The following ERBB4 variants were observed in gnomAD, a reference collection of about 807,000 sequenced individuals.
ERBB4 encodes the protein receptor tyrosine-protein kinase erbB-4.
A neutral mutation model predicts 158.0 loss-of-function variants in ERBB4; 42 were observed. The ratio of observed to expected loss-of-function variants is 0.27; its 90% CI spans 0.21 to 0.34. The LOEUF is 0.34. ERBB4 is among the 10% of genes least tolerant of loss of function. The pLI is 1.00. For synonymous variants in ERBB4, 583 were observed against 558.7 expected (o/e 1.04, Z -0.61); for missense variants, 1,333 against 1,624.1 (o/e 0.82, Z 3.08).
intron 1 of ERBB4, among the ~76,000 whole-genome samples, chr2:212,191,884 T>TAC (rs1205730061): frequency 1.1e-3 from 2 of 1,866 alleles, no homozygotes; most frequent in Non-Finnish European, 4.7e-3. Flanking sequence ...ATACATATGT[T>TAC]ACATGTTATA....
At chr2:212,368,354 C>T (rs1242912594) in intron 1 of ERBB4, among the ~76,000 whole-genome samples, 3 of 152,010 alleles carry the variant, frequency 2.0e-5, no homozygotes, top group Non-Finnish European at 2.9e-5. Context: ...TATGTTCTCA[C>T]GGATATGTGG....
chr2:211,731,522 A>G (rs1383831144), intron 5 of ERBB4, among the ~76,000 whole-genome samples: 1 of 152,140 alleles, frequency 6.6e-6, no homozygotes, highest in Non-Finnish European at 1.5e-5. Flanking sequence ...AAAACACTGT[A>G]ATGGGCTTCT....
intron 3 of ERBB4, among the ~76,000 whole-genome samples, chr2:211,810,560 C>T (rs56257042): frequency 0.015 from 2,296 of 151,956 alleles, 71 homozygotes; most frequent in African/African-American, 0.053. Context: ...CTTCCTCCGT[C>T]CCTTTATTTT....
At chr2:211,645,834 GA>G (rs1167963804) in intron 16 of ERBB4, among the ~76,000 whole-genome samples, 1 of 151,554 alleles carries the variant, frequency 6.6e-6, no homozygotes, top group Non-Finnish European at 1.5e-5. Flanking sequence ...TTGACTTTTT[GA>G]ATAGCAATTC....
intron 1 of ERBB4, among the ~76,000 whole-genome samples, chr2:212,211,016 G>T (rs1331964710): frequency 3.9e-5 from 6 of 151,936 alleles, no homozygotes; most frequent in African/African-American, 9.7e-5. Flanking sequence ...TACATAACTG[G>T]CATCTCTATC....
intron 1 of ERBB4, among the ~76,000 whole-genome samples, chr2:212,284,716 T>C (rs992818153): frequency 6.6e-5 from 10 of 152,136 alleles, no homozygotes; most frequent in Non-Finnish European, 1.5e-4. Context: ...AGTTTACTTA[T>C]ACCTAAACAT....
At chr2:212,154,106 C>G (rs1286914899) in intron 1 of ERBB4, among the ~76,000 whole-genome samples, 1 of 152,176 alleles carries the variant, frequency 6.6e-6, no homozygotes, top group Admixed American at 6.6e-5. Context: ...CAATGACTGG[C>G]ATTTATTAAG....
chr2:212,182,643 T>G (rs760028762), intron 1 of ERBB4, among the ~76,000 whole-genome samples: 6 of 151,910 alleles, frequency 3.9e-5, no homozygotes, highest in Admixed American at 3.9e-4. Context: ...CAGGTTTTGA[T>G]TATTTCTTCC....
At chr2:212,516,327 C>G (rs1691841775) in intron 1 of ERBB4, among the ~76,000 whole-genome samples, 1 of 151,848 alleles carries the variant, frequency 6.6e-6, no homozygotes, top group Non-Finnish European at 1.5e-5. Context: ...TAAAAGTTAC[C>G]TATTAAATGT....
In ERBB4 at chr2:211,638,939, A is replaced by T. The variant is rs989104276; in HGVS notation, c.1947-8345T>A. 2.0e-5 allele frequency among the ~76,000 whole-genome samples: 3 copies of T among 152,260 alleles called. No homozygotes were observed. The East Asian group carries it at 5.8e-4, about 29-fold the overall frequency. ...AACTTATACACTTGACTTTCTGGCA[A>T]ACATTCTCATGTTAAGGACACCATC... On this transcript the variant is annotated intron_variant, in intron 16 of 27. Transcript: ENST00000342788.
chr2:211,944,108 C>G (rs2080586328), intron 3 of ERBB4, among the ~76,000 whole-genome samples: 1 of 133,114 alleles, frequency 7.5e-6, no homozygotes, highest in Non-Finnish European at 1.6e-5. Context: ...CATGGTTACA[C>G]TATATATATA....
intron 2 of ERBB4, among the ~76,000 whole-genome samples, chr2:212,000,478 T>C (rs2076078339): frequency 6.6e-6 from 1 of 151,924 alleles, no homozygotes; most frequent in Non-Finnish European, 1.5e-5. Context: ...ATGGAGGTTT[T>C]AAGGAAAAGA....
At chr2:211,713,268 A>C (rs1319448299) in intron 8 of ERBB4, among the ~76,000 whole-genome samples, 1 of 152,158 alleles carries the variant, frequency 6.6e-6, no homozygotes, top group African/African-American at 2.4e-5. Context: ...CTATTGACAG[A>C]GTAACAGGCA....
chr2:212,344,107 G>C (rs1198666713), intron 1 of ERBB4, among the ~76,000 whole-genome samples: 1 of 151,928 alleles, frequency 6.6e-6, no homozygotes, highest in African/African-American at 2.4e-5. Context: ...ATATAGATGG[G>C]GCCACCAAAC....
intron 2 of ERBB4, among the ~76,000 whole-genome samples, chr2:212,086,813 C>A (rs992376583): frequency 3.3e-5 from 5 of 151,992 alleles, no homozygotes; most frequent in Non-Finnish European, 7.4e-5. Context: ...ATAGCCAGAA[C>A]CATCTAATCA....
intron 1 of ERBB4, among the ~76,000 whole-genome samples, chr2:212,182,477 A>G (rs1200971752): frequency 6.6e-6 from 1 of 151,880 alleles, no homozygotes; most frequent in Non-Finnish European, 1.5e-5. Flanking sequence ...TTTTTAGAGT[A>G]AACTTCCTAG....
intron 2 of ERBB4, among the ~76,000 whole-genome samples, chr2:212,112,339 C>T (rs551392401): frequency 1.3e-5 from 2 of 152,234 alleles, no homozygotes; most frequent in South Asian, 2.1e-4. Context: ...TCCTTATACC[C>T]ACTGTCCCCA....
At chr2:211,691,946 T>C (rs541366395) in intron 12 of ERBB4, among the ~76,000 whole-genome samples, 1 of 152,200 alleles carries the variant, frequency 6.6e-6, no homozygotes, top group Admixed American at 6.5e-5. Context: ...TCGGAATCCG[T>C]TGAAAGGTTC....
chr2:211,554,055 G>T (rs1451683579), intron 20 of ERBB4, among the ~76,000 whole-genome samples: 1 of 152,166 alleles, frequency 6.6e-6, no homozygotes, highest in East Asian at 1.9e-4. Flanking sequence ...TGGAATTAAT[G>T]ATGAGACACA....
Sources: allele counts gnomAD v4.1 joint callset (sites outside exome capture counted in the v4.1 genomes callset), GRCh38; gene constraint gnomAD v4.1.1; transcripts MANE v1.5; gene names NCBI Gene and HGNC (gene_info 2026-07-23, HGNC 2026-07-21).